Variants in EPHA3 observed in about 807,000 individuals in gnomAD.
EPHA3 encodes the protein EPH receptor A3, also known as ephrin type-A receptor 3.
In EPHA3, 42 loss-of-function variants were observed where a neutral mutation model predicts 107.1. That is an observed-to-expected ratio of 0.39 (90% CI 0.31 to 0.51). The LOEUF (loss-of-function observed/expected upper bound fraction) is 0.51, where lower values mean the gene tolerates loss of function less well. Among genes scored for constraint, EPHA3 ranks in the 20% least tolerant of loss-of-function variants. The pLI is 0.78. For missense variants in EPHA3, 1,183 were observed against 1,211.2 expected, an observed-to-expected ratio of 0.98 and a Z score of 0.35; for synonymous variants, 461 against 424.8, an observed-to-expected ratio of 1.09 and a Z score of -1.05.
intron 2 of EPHA3, among the ~76,000 whole-genome samples, chr3:89,156,308 T>C (rs1279354741): frequency 6.6e-6 from 1 of 152,088 alleles, no homozygotes; most frequent in Non-Finnish European, 1.5e-5. Context: ...ATTTGGATGT[T>C]AGAAATCCAG....
At chr3:89,152,878 TAGTTTGG>T (rs1704719069) in intron 2 of EPHA3, among the ~76,000 whole-genome samples, 2 of 152,074 alleles carry the variant, frequency 1.3e-5, no homozygotes, top group Non-Finnish European at 2.9e-5. Flanking sequence ...TTTTGATAAT[TAGTTTGG>T]TAAATTTAGA....
At chr3:89,222,460 T>C (rs1381520320) in intron 3 of EPHA3, among the ~76,000 whole-genome samples, 3 of 148,448 alleles carry the variant, frequency 2.0e-5, no homozygotes, top group South Asian at 2.1e-4. Context: ...TGTGTGTGTA[T>C]ATGTATATAG....
intron 2 of EPHA3, among the ~76,000 whole-genome samples, chr3:89,145,035 C>T (rs1457362920): frequency 6.6e-6 from 1 of 151,516 alleles, no homozygotes; most frequent in Non-Finnish European, 1.5e-5. Context: ...ATTGAATTTA[C>T]CCTCATAAAA....
chr3:89,470,019 A>G (rs1053389654), intron 15 of EPHA3, among the ~76,000 whole-genome samples: 1 of 151,932 alleles, frequency 6.6e-6, no homozygotes, highest in Non-Finnish European at 1.5e-5. Context: ...TGAAGAACTA[A>G]AACGGCAAAA....
At chr3:89,249,875 T>C (rs1386588755) in intron 3 of EPHA3, among the ~76,000 whole-genome samples, 2 of 152,342 alleles carry the variant, frequency 1.3e-5, no homozygotes, top group Non-Finnish European at 2.9e-5. Flanking sequence ...TGCCATTTCT[T>C]ACTATAACAA....
chr3:89,205,053 C>T lies in EPHA3; in HGVS notation c.154-4807C>T, dbSNP rs188760098. On this transcript the variant is annotated intron_variant, in intron 2 of 16. Coordinates refer to ENST00000336596, the MANE Select transcript of EPHA3 (RefSeq NM_005233.6). ...TGCATTTCCCTTATATTGTCATCCA[C>T]AAATTTCTTAGAAACTGGTTTTAAG... Among the ~76,000 whole-genome samples the T allele has an allele frequency of 1.4e-4, 22 of 152,262 alleles. No homozygotes were observed. In the East Asian group the frequency reaches 4.3e-3, roughly 29 times the overall value.
intron 2 of EPHA3, among the ~76,000 whole-genome samples, chr3:89,193,175 T>C (rs1318684189): frequency 6.6e-6 from 1 of 152,034 alleles, no homozygotes; most frequent in Non-Finnish European, 1.5e-5. Context: ...TTGCAAAATA[T>C]GAAATCATTT....
At chr3:89,182,750 G>C (rs1249122728) in intron 2 of EPHA3, among the ~76,000 whole-genome samples, 1 of 151,712 alleles carries the variant, frequency 6.6e-6, no homozygotes, top group African/African-American at 2.4e-5. Context: ...CAAAAACTTA[G>C]CATATCTTTC....
At chr3:89,376,536 G>A (rs1433874407) in intron 5 of EPHA3, among the ~76,000 whole-genome samples, 7 of 151,816 alleles carry the variant, frequency 4.6e-5, no homozygotes, top group Non-Finnish European at 1.5e-5. Flanking sequence ...TAGGGTTTCT[G>A]ATGATTCATA....
rs1704318966 is a variant in EPHA3 at position 89,219,714 on chromosome 3, T to TTTTTG, written c.814+9198_814+9199insGTTTT. ...TTTTTTTTTTTTTTGTTTTTTGTTT[T>TTTTTG]TTTTTTTTTTTTGAGACGGAGTCTC... On this transcript the variant is annotated intron_variant, in intron 3 of 16. Transcript: ENST00000336596. 8.0e-5 allele frequency among the ~76,000 whole-genome samples: 3 copies of TTTTTG among 37,434 alleles called. 1 individual carries two copies. Among genetic ancestry groups the TTTTTG allele is most frequent in the African/African-American group, 2.0e-4 (3 of 15,036 alleles). 24.6% of individuals were successfully genotyped at this position (37,434 alleles called of 152,430 possible).
intron 5 of EPHA3, among the ~76,000 whole-genome samples, chr3:89,393,924 G>T (rs1053115881): frequency 6.6e-6 from 1 of 151,990 alleles, no homozygotes; most frequent in Admixed American, 6.6e-5. Context: ...AGAGCAAATT[G>T]CAGGGTTGTG....
intron 11 of EPHA3, among the ~76,000 whole-genome samples, chr3:89,420,677 G>A (rs1453721987): frequency 2.6e-5 from 4 of 151,386 alleles, no homozygotes; most frequent in South Asian, 4.1e-4. Context: ...AGGCTATACT[G>A]TTTTATGTCT....
intron 3 of EPHA3, among the ~76,000 whole-genome samples, chr3:89,297,205 A>G (rs928270477): frequency 6.6e-6 from 1 of 152,204 alleles, no homozygotes; most frequent in Admixed American, 6.5e-5. Context: ...TTTCATTCAC[A>G]ACTTGGCTGT....
chr3:89,171,282 C>T (rs1353767105), intron 2 of EPHA3, among the ~76,000 whole-genome samples: 1 of 151,902 alleles, frequency 6.6e-6, no homozygotes, highest in Non-Finnish European at 1.5e-5. Flanking sequence ...TCATTTGAAG[C>T]CAAGCAGATT....
rs1709584312 is a variant in EPHA3 at position 89,432,289 on chromosome 3, A to G, written c.2346+930A>G. Among the ~76,000 whole-genome samples, 4 of 152,220 alleles carry G rather than the reference A, an allele frequency of 2.6e-5. No individual in the cohort carries two copies. The South Asian group carries it at 8.3e-4, about 31-fold the overall frequency. ...TTCATTAATTTTACTATTATCAGTT[A>G]GGATAAATTGAATGTATATGTTTTA... On this transcript the variant is annotated intron_variant, in intron 13 of 16. Coordinates refer to ENST00000336596, the MANE Select transcript of EPHA3 (RefSeq NM_005233.6).
intron 9 of EPHA3, 127 bp downstream of exon 9, chr3:89,408,258 C>T: frequency 1.2e-6 from 1 of 810,358 alleles, no homozygotes; most frequent in Non-Finnish European, 2.0e-6. Flanking sequence ...AAACTGAGTA[C>T]ATTAAATTTA....
intron 3 of EPHA3, among the ~76,000 whole-genome samples, chr3:89,214,553 C>T (rs761118441): frequency 1.3e-5 from 2 of 151,762 alleles, no homozygotes; most frequent in African/African-American, 2.4e-5. Context: ...CATTGATTGC[C>T]CACCTTCTTC....
chr3:89,386,194 T>C (rs1708617600), intron 5 of EPHA3, among the ~76,000 whole-genome samples: 1 of 152,198 alleles, frequency 6.6e-6, no homozygotes, highest in African/African-American at 2.4e-5. Context: ...GCTGCATAAA[T>C]TTGCATAAGT....
rs778678869 is a variant in EPHA3 at position 89,399,423 on chromosome 3, A to G, written c.1537A>G (p.Thr513Ala). The change falls in exon 7 of 17, where the codon ACA (threonine) becomes GCA (alanine). Residue 513 changes from threonine (T) to alanine (A), a missense_variant. Thr to Ala is a moderately conservative substitution (Grantham distance 58, BLOSUM62 0). Coordinates refer to ENST00000336596, the MANE Select transcript of EPHA3 (RefSeq NM_005233.6). ...TIYVFQIRAR[T>A]AAGYGTNSRK... Reference sequence around the variant, plus strand: ...ATACGTATTCCAAATCCGAGCCCGAACAGCCGCTGGATATGGGACGAACAG... The same window carrying G: ...ATACGTATTCCAAATCCGAGCCCGAGCAGCCGCTGGATATGGGACGAACAG... The G allele has an allele frequency of 3.7e-6, 6 of 1,614,020 alleles. No homozygotes were observed. In the African/African-American group the frequency reaches 6.7e-5, roughly 18 times the overall value.
Sources: gnomAD v4.1 joint callset for allele counts (sites outside exome capture counted in the v4.1 genomes callset) on GRCh38, gnomAD v4.1.1 for gene constraint, MANE v1.5 for transcripts, NCBI Gene and HGNC (gene_info 2026-07-23, HGNC 2026-07-21) for gene names.